MAMDC2: variants seen among roughly 807,000 people sequenced by gnomAD.
The protein encoded by MAMDC2 is MAM domain-containing protein 2.
A neutral mutation model predicts 89.8 loss-of-function variants in MAMDC2; 57 were observed. That is an observed-to-expected ratio of 0.63 (90% CI 0.51 to 0.79). The LOEUF (loss-of-function observed/expected upper bound fraction) is 0.79. Among genes scored for constraint, MAMDC2 ranks in the 30% least tolerant of loss-of-function variants. The pLI is 0.00. For missense variants in MAMDC2, 800 were observed against 820.6 expected, an observed-to-expected ratio of 0.97 and a Z score of 0.31; for synonymous variants, 313 against 293.4, an observed-to-expected ratio of 1.07 and a Z score of -0.68.
intron 5 of MAMDC2, among the ~76,000 whole-genome samples, chr9:70,118,297 AACACACACACACACACACACAC>A (rs6151026): frequency 0.048 from 6,773 of 140,514 alleles, 447 homozygotes; most frequent in African/African-American, 0.14. Flanking sequence ...ATCCCCACTC[AACACACACACACACACACACAC>A]ACACACACAC....
intron 2 of MAMDC2, among the ~76,000 whole-genome samples, chr9:70,074,382 G>C (rs1348424970): frequency 1.3e-5 from 2 of 152,240 alleles, no homozygotes; most frequent in Non-Finnish European, 2.9e-5. Flanking sequence ...ATGTATGTTT[G>C]AGTCTGTTCT....
chr9:70,217,385 C>T (rs370046241), intron 11 of MAMDC2: 17 of 1,328,552 alleles, frequency 1.3e-5, no homozygotes, highest in Middle Eastern at 2.1e-4. Flanking sequence ...AAGGGAGAGT[C>T]GGAAGAAATT....
At chr9:70,122,613 G>C (rs1181557160) in intron 5 of MAMDC2, among the ~76,000 whole-genome samples, 1 of 152,150 alleles carries the variant, frequency 6.6e-6, no homozygotes, top group Non-Finnish European at 1.5e-5. Flanking sequence ...GTGCCTAGGA[G>C]CCATGGCATT....
intron 2 of MAMDC2, among the ~76,000 whole-genome samples, chr9:70,105,576 A>AATTTAAATG: frequency 6.6e-6 from 1 of 152,320 alleles, no homozygotes; most frequent in South Asian, 2.1e-4. Context: ...TGAGATCTTT[A>AATTTAAATG]ATTTAAATGC....
Position 70,118,151 on chromosome 9 carries a change from AACCCCTGAGTTCCAGGCT to A in MAMDC2, c.643+5022_643+5039del, listed in dbSNP as rs531374633. ...CCAAGGTATGTGATCATGGCAGAGG[AACCCCTGAGTTCCAGGCT>A]ACATTCCTACTTATGATTAGCAGGA... On this transcript the variant is annotated intron_variant, in intron 5 of 13. Transcript: ENST00000377182. Among the ~76,000 whole-genome samples the A allele has an allele frequency of 8.4e-3, 1,281 of 152,226 alleles. 19 individuals are homozygous for A. The highest frequency in any genetic ancestry group is 0.029 in the African/African-American group (1,222 of 41,534).
At position 70,136,113 on chromosome 9, in the gene MAMDC2, T is replaced by G. The variant is rs11790534; in HGVS notation, c.995-4032T>G. Among the ~76,000 whole-genome samples, 56 of 152,316 alleles carry G rather than the reference T, an allele frequency of 3.7e-4. 1 individual carries two copies. Among genetic ancestry groups the G allele is most frequent in the Admixed American group, 1.8e-3 (27 of 15,294 alleles). On this transcript the variant is annotated intron_variant, in intron 7 of 13. Coordinates refer to ENST00000377182, the MANE Select transcript of MAMDC2 (RefSeq NM_153267.5). ...CTACAGTGAGCCAAGATTGCACCAG[T>G]GCACTCCAGCCTGGACCACAAAGTG...
At chr9:70,192,341 G>A (rs947440318) in intron 11 of MAMDC2, among the ~76,000 whole-genome samples, 2 of 152,026 alleles carry the variant, frequency 1.3e-5, no homozygotes, top group African/African-American at 4.8e-5. Flanking sequence ...ATTTATTTAA[G>A]AACATGATTA....
At chr9:70,063,442 G>A (rs1827193849) in intron 2 of MAMDC2, among the ~76,000 whole-genome samples, 1 of 152,138 alleles carries the variant, frequency 6.6e-6, no homozygotes, top group South Asian at 2.1e-4. Flanking sequence ...TTCGTGATGT[G>A]CGTGTCCTTG....
intron 5 of MAMDC2, among the ~76,000 whole-genome samples, chr9:70,114,992 GGTT>G (rs2029904742): frequency 2.0e-5 from 3 of 152,180 alleles, no homozygotes; most frequent in African/African-American, 7.2e-5. Context: ...ATGATACAGT[GGTT>G]GTGCTACAAG....
chr9:70,066,182 CA>C (rs1827257567), intron 2 of MAMDC2, among the ~76,000 whole-genome samples: 1 of 152,036 alleles, frequency 6.6e-6, no homozygotes, highest in South Asian at 2.1e-4. Flanking sequence ...AGCAGAGACC[CA>C]AGGGAATGGG....
chr9:70,081,023 T>G (rs1355159005), intron 2 of MAMDC2, among the ~76,000 whole-genome samples: 1 of 152,126 alleles, frequency 6.6e-6, no homozygotes, highest in African/African-American at 2.4e-5. Flanking sequence ...AGTAGGCACT[T>G]AATAATAAAT....
At chr9:70,170,935 TC>T (rs1296475069) in intron 11 of MAMDC2, 1 of 312,002 alleles carries the variant, frequency 3.2e-6, no homozygotes. Flanking sequence ...AAAATGGTAA[TC>T]TAAATTGGAG....
intron 2 of MAMDC2, among the ~76,000 whole-genome samples, chr9:70,098,859 T>C (rs1194154457): frequency 1.3e-5 from 2 of 152,138 alleles, no homozygotes; most frequent in Admixed American, 6.6e-5. Flanking sequence ...TTCTACATCA[T>C]AGGATCATTT....
At chr9:70,188,042 A>G (rs566863657) in intron 11 of MAMDC2, among the ~76,000 whole-genome samples, 60 of 152,198 alleles carry the variant, frequency 3.9e-4, no homozygotes, top group Non-Finnish European at 6.6e-4. Flanking sequence ...CCTTGTCAAC[A>G]TTTCTCACTT....
chr9:70,151,486 T>G (rs1338719428), intron 9 of MAMDC2, among the ~76,000 whole-genome samples: 3 of 152,112 alleles, frequency 2.0e-5, no homozygotes, highest in African/African-American at 7.2e-5. Context: ...TTCAATAAAT[T>G]TTGTTTGGTA....
intron 6 of MAMDC2, among the ~76,000 whole-genome samples, chr9:70,128,693 G>C (rs2030671180): frequency 6.6e-6 from 1 of 152,092 alleles, no homozygotes; most frequent in Non-Finnish European, 1.5e-5. Flanking sequence ...GTCTCACTCT[G>C]TCACCCAGGC....
intron 5 of MAMDC2, among the ~76,000 whole-genome samples, chr9:70,124,263 G>C (rs944195657): frequency 6.6e-6 from 1 of 152,026 alleles, no homozygotes; most frequent in African/African-American, 2.4e-5. Context: ...TCTCGATGTG[G>C]GGGAAATATG....
intron 11 of MAMDC2, among the ~76,000 whole-genome samples, chr9:70,204,620 C>G (rs1014950251): frequency 1.3e-5 from 2 of 151,740 alleles, no homozygotes; most frequent in African/African-American, 4.8e-5. Flanking sequence ...TTTACCTAAG[C>G]AAGCCTGGGC....
At chr9:70,174,307 G>C (rs2032433486) in intron 11 of MAMDC2, among the ~76,000 whole-genome samples, 1 of 152,192 alleles carries the variant, frequency 6.6e-6, no homozygotes, top group African/African-American at 2.4e-5. Flanking sequence ...GGAACTTCTA[G>C]TAGAGGAGAC....
Sources: gnomAD v4.1 joint callset for allele counts (sites outside exome capture counted in the v4.1 genomes callset) on GRCh38, gnomAD v4.1.1 for gene constraint, MANE v1.5 for transcripts, NCBI Gene and HGNC (gene_info 2026-07-23, HGNC 2026-07-21) for gene names.